Variants in DPH6 observed in about 807,000 individuals in gnomAD.
The protein encoded by DPH6 is diphthine--ammonia ligase.
DPH6 carries 33 observed loss-of-function variants against 38.2 expected under a neutral mutation model. That is an observed-to-expected ratio of 0.86 (90% CI 0.65 to 1.15). The LOEUF is 1.15. Among genes scored for constraint, DPH6 ranks in the 50% most tolerant of loss-of-function variants. DPH6 has a pLI of 0.00. For synonymous variants in DPH6, 108 were observed against 103.0 expected (o/e 1.05, Z -0.30); for missense variants, 325 against 320.0 (o/e 1.02, Z -0.12).
At chr15:35,447,436 T>TCC (rs199554720) in intron 5 of DPH6, among the ~76,000 whole-genome samples, 13 of 150,198 alleles carry the variant, frequency 8.7e-5, no homozygotes, top group South Asian at 2.1e-4. Context: ...CTCTTATACG[T>TCC]CCCCCCCCGC....
At chr15:35,157,909 G>T in the DPH6 span, among the ~76,000 whole-genome samples, 4 of 150,864 alleles carry the variant, frequency 2.7e-5, no homozygotes, top group Middle Eastern at 3.4e-3. Context: ...AATGTCAAAG[G>T]CATTTACTAA....
At chr15:35,311,080 C>CAAA (rs1164885654) in intron 3 of DPH6, among the ~76,000 whole-genome samples, 2 of 134,294 alleles carry the variant, frequency 1.5e-5, no homozygotes, top group African/African-American at 2.7e-5. Context: ...ACAACAACAA[C>CAAA]AAAAAAAAAA....
the DPH6 span, among the ~76,000 whole-genome samples, chr15:35,204,740 T>A: frequency 0.017 from 2,652 of 151,968 alleles, 39 homozygotes; most frequent in Non-Finnish European, 0.027. Context: ...AGAAGTGATA[T>A]AACATAGTCT....
At chr15:35,406,293 T>C (rs984868810) in intron 6 of DPH6, among the ~76,000 whole-genome samples, 3 of 151,998 alleles carry the variant, frequency 2.0e-5, no homozygotes, top group Non-Finnish European at 4.4e-5. Context: ...CGATGAAGCA[T>C]AGGGAGTATT....
At chr15:35,208,469 G>C in the DPH6 span, among the ~76,000 whole-genome samples, 1 of 152,096 alleles carries the variant, frequency 6.6e-6, no homozygotes, top group African/African-American at 2.4e-5. Context: ...GCTTGCAAAC[G>C]CCACCTGTTA....
chr15:35,355,271 T>C (rs1595496944), intron 3 of DPH6, among the ~76,000 whole-genome samples: 1 of 152,208 alleles, frequency 6.6e-6, no homozygotes, highest in East Asian at 1.9e-4. Context: ...AATTGGAGCA[T>C]TTAGCCCATT....
At chr15:35,495,964 T>C (rs2054543568) in intron 3 of DPH6, among the ~76,000 whole-genome samples, 1 of 152,216 alleles carries the variant, frequency 6.6e-6, no homozygotes, top group South Asian at 2.1e-4. Context: ...ATCTCTTCAA[T>C]ATATGATACT....
At chr15:35,496,563 A>ATATATATAT (rs1555406393) in intron 3 of DPH6, among the ~76,000 whole-genome samples, 15 of 16,006 alleles carry the variant, frequency 9.4e-4, no homozygotes, top group East Asian at 6.9e-3. Flanking sequence ...CTCAAAAAAA[A>ATATATATAT]AAAAATATAT....
intron 1 of DPH6, among the ~76,000 whole-genome samples, chr15:35,545,685 G>C (rs1372987188): frequency 1.3e-5 from 2 of 152,118 alleles, no homozygotes; most frequent in African/African-American, 4.8e-5. Flanking sequence ...GACGAAGAAA[G>C]CGAGGGGGAA....
chr15:35,458,762 A>C (rs1436580728), intron 3 of DPH6, among the ~76,000 whole-genome samples: 1 of 152,222 alleles, frequency 6.6e-6, no homozygotes, highest in African/African-American at 2.4e-5. Context: ...CTATCCCTAC[A>C]AATTTTTTAA....
chr15:35,507,955 A>C (rs903153742), intron 3 of DPH6, among the ~76,000 whole-genome samples: 2 of 152,132 alleles, frequency 1.3e-5, no homozygotes, highest in African/African-American at 4.8e-5. Flanking sequence ...GACTATTCCT[A>C]GAAAATTGTC....
At chr15:35,531,333 A>T (rs1293201658) in intron 3 of DPH6, among the ~76,000 whole-genome samples, 7 of 152,218 alleles carry the variant, frequency 4.6e-5, no homozygotes, top group Non-Finnish European at 4.4e-5. Flanking sequence ...CACTGATAGG[A>T]TGCCTTATTT....
At chr15:35,501,223 AT>A (rs2054623095) in intron 3 of DPH6, among the ~76,000 whole-genome samples, 1 of 152,232 alleles carries the variant, frequency 6.6e-6, no homozygotes. Flanking sequence ...ACAGAAAAAC[AT>A]TAGAGACTTA....
At chr15:35,370,562 A>C (rs536583680), downstream of DPH6, among the ~76,000 whole-genome samples, 12 of 151,972 alleles carry the variant, frequency 7.9e-5, no homozygotes, top group East Asian at 2.3e-3. Context: ...AGATACACAG[A>C]TGGCAAACAA....
At chr15:35,493,547 T>C (rs998747998) in intron 3 of DPH6, among the ~76,000 whole-genome samples, 1 of 152,180 alleles carries the variant, frequency 6.6e-6, no homozygotes, top group African/African-American at 2.4e-5. Flanking sequence ...CATTCAGAGA[T>C]ACCAGAATGG....
chr15:35,282,911 A>C (rs1198644031), intron 3 of DPH6: 1 of 340,862 alleles, frequency 2.9e-6, no homozygotes, highest in East Asian at 7.2e-5. Context: ...GTTCCTGTTG[A>C]AGAACATCAA....
At chr15:35,323,383 G>A (rs946174123) in intron 3 of DPH6, among the ~76,000 whole-genome samples, 13 of 152,006 alleles carry the variant, frequency 8.6e-5, no homozygotes, top group Non-Finnish European at 1.6e-4. Flanking sequence ...TGTGCCATTT[G>A]GGGAAGGAGG....
intron 3 of DPH6, among the ~76,000 whole-genome samples, chr15:35,460,024 T>C (rs1391020680): frequency 1.3e-5 from 2 of 152,210 alleles, no homozygotes; most frequent in Non-Finnish European, 2.9e-5. Flanking sequence ...TTAAGGACCA[T>C]CTACCAACCA....
At chr15:35,350,024 T>C (rs1340520580) in intron 3 of DPH6, among the ~76,000 whole-genome samples, 1 of 152,160 alleles carries the variant, frequency 6.6e-6, no homozygotes, top group East Asian at 1.9e-4. Flanking sequence ...GAGAAGGATT[T>C]TTGTTAGTTC....
Sources: allele counts gnomAD v4.1 joint callset (sites outside exome capture counted in the v4.1 genomes callset), GRCh38; gene constraint gnomAD v4.1.1; transcripts MANE v1.5; gene names NCBI Gene and HGNC (gene_info 2026-07-23, HGNC 2026-07-21).